The following PRKAR2A variants were observed in gnomAD, a reference collection of about 807,000 sequenced individuals.
The protein encoded by PRKAR2A is cAMP-dependent protein kinase type II-alpha regulatory subunit.
In PRKAR2A, 29 loss-of-function variants were observed where a neutral mutation model predicts 51.9. The ratio of observed to expected loss-of-function variants is 0.56; its 90% CI spans 0.42 to 0.76. The LOEUF (loss-of-function observed/expected upper bound fraction) is 0.76. Ranked by LOEUF, PRKAR2A falls within the 30% of genes least tolerant of loss-of-function variation. PRKAR2A has a pLI of 0.00. For missense variants in PRKAR2A, 445 were observed against 512.1 expected (o/e 0.87, Z 1.26); for synonymous variants, 178 against 186.2 (o/e 0.96, Z 0.36).
At chr3:48,831,562 T>A (rs1220809564) in intron 1 of PRKAR2A, among the ~76,000 whole-genome samples, 2 of 152,028 alleles carry the variant, frequency 1.3e-5, no homozygotes, top group Non-Finnish European at 2.9e-5. Flanking sequence ...GGGGTCTTGC[T>A]ATGTCGCCCA....
chr3:48,756,324 A>C, intron 9 of PRKAR2A, 55 bp downstream of exon 9: 1 of 1,477,460 alleles, frequency 6.8e-7, no homozygotes, highest in Admixed American at 1.7e-5. Flanking sequence ...ACATTATTTA[A>C]AACAAATAGT....
In PRKAR2A at chr3:48,847,517, G is replaced by T. The variant is rs766432145; in HGVS notation, c.80C>A (p.Pro27His). Residue 27 changes from proline (P) to histidine (H), a missense_variant, in exon 1 of 11, where the codon CCT becomes CAT. Coordinates refer to ENST00000265563, the MANE Select transcript of PRKAR2A (RefSeq NM_004157.4). The surrounding 1 kb of genome is among the most constrained non-coding windows in gnomAD (Gnocchi z 4.4). ...YTVEVLRQQP[P>H]DLVEFAVEYF... is the part of the protein sequence containing the mutation. ...CTCCACTGCGAATTCGACGAGGTCA[G>T]GCGGCTGCTGTCGCAGCACCTCCAC... 23 of 1,560,148 alleles carry T rather than the reference G, an allele frequency of 1.5e-5. No homozygotes were observed. In the African/African-American group the frequency reaches 2.9e-4, roughly 19 times the overall value.
At chr3:48,810,408 G>A (rs2082752594) in intron 1 of PRKAR2A, among the ~76,000 whole-genome samples, 2 of 152,048 alleles carry the variant, frequency 1.3e-5, no homozygotes. Context: ...ATATCTTCCT[G>A]TGTACTTTAA....
chr3:48,800,206 CAA>C (rs1187581343), intron 2 of PRKAR2A, among the ~76,000 whole-genome samples: 3 of 151,106 alleles, frequency 2.0e-5, no homozygotes, highest in Non-Finnish European at 4.4e-5. Flanking sequence ...ATTTCCAACT[CAA>C]AGATAATTAA....
chr3:48,832,373 C>T (rs1334663969), intron 1 of PRKAR2A, among the ~76,000 whole-genome samples: 1 of 150,134 alleles, frequency 6.7e-6, no homozygotes, highest in East Asian at 1.9e-4. Context: ...CCAAGAAAAA[C>T]TCAAGCCATT....
intron 1 of PRKAR2A, among the ~76,000 whole-genome samples, chr3:48,832,209 G>A (rs1451997565): frequency 2.0e-5 from 3 of 150,608 alleles, no homozygotes; most frequent in Admixed American, 1.3e-4. Flanking sequence ...CACGAGAATC[G>A]CTTGAACCCG....
chr3:48,841,428 C>T (rs1398134497), intron 1 of PRKAR2A, among the ~76,000 whole-genome samples: 1 of 150,748 alleles, frequency 6.6e-6, no homozygotes, highest in African/African-American at 2.4e-5. Flanking sequence ...GCCTGTAATC[C>T]CAGCTACTCG....
At chr3:48,838,838 G>T (rs1379930975) in intron 1 of PRKAR2A, among the ~76,000 whole-genome samples, 1 of 151,732 alleles carries the variant, frequency 6.6e-6, no homozygotes, top group Non-Finnish European at 1.5e-5. Context: ...CAAAAAATTA[G>T]CTAGGCATGG....
Position 48,765,364 on chromosome 3 carries a change from A to G in PRKAR2A, c.697-15T>C. ...GTCACCCGGTCCTACAAGAAAGAAT[A>G]TGAAAATTCTAGTAAATGCCTATAT... On this transcript the variant is annotated splice_polypyrimidine_tract_variant and intron_variant, in intron 6 of 10. Coordinates refer to ENST00000265563, the MANE Select transcript of PRKAR2A (RefSeq NM_004157.4). 2 of 1,563,498 alleles carry G rather than the reference A, an allele frequency of 1.3e-6. No individual in the cohort carries two copies. Among genetic ancestry groups the G allele is most frequent in the Non-Finnish European group, 1.7e-6 (2 of 1,146,790 alleles).
chr3:48,806,124 TTAACA>T (rs1575907600), intron 2 of PRKAR2A, among the ~76,000 whole-genome samples: 1 of 152,232 alleles, frequency 6.6e-6, no homozygotes, highest in African/African-American at 2.4e-5. Flanking sequence ...ATTGACTCTC[TTAACA>T]TAACATATTC....
chr3:48,770,077 T>G (rs2082007606), intron 6 of PRKAR2A, among the ~76,000 whole-genome samples: 1 of 152,106 alleles, frequency 6.6e-6, no homozygotes, highest in Admixed American at 6.6e-5. Context: ...ACCCAGCTGG[T>G]TCTACCCCTT....
chr3:48,815,683 ACT>A (rs1288263855), intron 1 of PRKAR2A, among the ~76,000 whole-genome samples: 1 of 143,360 alleles, frequency 7.0e-6, no homozygotes, highest in Admixed American at 7.3e-5. Flanking sequence ...ACAGAGCAAG[ACT>A]CTGTCTCAGC....
chr3:48,780,400 G>A (rs1281282244), intron 5 of PRKAR2A, among the ~76,000 whole-genome samples: 1 of 151,660 alleles, frequency 6.6e-6, no homozygotes, highest in Non-Finnish European at 1.5e-5. Context: ...TCAGGAGTTC[G>A]AGACCAGCCT....
intron 1 of PRKAR2A, among the ~76,000 whole-genome samples, chr3:48,812,576 A>G (rs886140417): frequency 1.4e-5 from 2 of 145,224 alleles, no homozygotes; most frequent in African/African-American, 5.2e-5. Flanking sequence ...TCCGCCTCCC[A>G]GGTTCACGCC....
At chr3:48,839,050 G>A (rs2083334042) in intron 1 of PRKAR2A, among the ~76,000 whole-genome samples, 1 of 152,072 alleles carries the variant, frequency 6.6e-6, no homozygotes, top group Non-Finnish European at 1.5e-5. Flanking sequence ...CACTTTGGGA[G>A]GCCGAGGCAG....
chr3:48,847,367 T>C lies in PRKAR2A; in HGVS notation c.230A>G (p.Asp77Gly), dbSNP rs746428551. ...GTCCTCGTCCTCCTCCGACTCGCTGTCCCCTTTGGCGTCGGCGACACGGTC... is the reference window on the plus strand; with the variant it reads ...GTCCTCGTCCTCCTCCGACTCGCTGCCCCCTTTGGCGTCGGCGACACGGTC... ...GPDRVADAKG[D>G]SESEEDEDLE... Residue 77 changes from aspartate to glycine, a missense_variant, in exon 1 of 11, where the codon GAC becomes GGC. By Grantham distance (94) the Asp-to-Gly change is moderately conservative (BLOSUM62 -1). Transcript: ENST00000265563. The surrounding 1 kb of genome is among the most constrained non-coding windows in gnomAD (Gnocchi z 4.4). 18 of 1,613,274 alleles carry C rather than the reference T, an allele frequency of 1.1e-5. No homozygotes were observed. Among genetic ancestry groups the C allele is most frequent in the Non-Finnish European group, 1.4e-5 (17 of 1,179,660 alleles).
At chr3:48,835,430 A>G (rs897680683) in intron 1 of PRKAR2A, among the ~76,000 whole-genome samples, 1 of 151,988 alleles carries the variant, frequency 6.6e-6, no homozygotes, top group Non-Finnish European at 1.5e-5. Context: ...TCATGAGGTC[A>G]GCAGATCGAG....
intron 1 of PRKAR2A, among the ~76,000 whole-genome samples, chr3:48,826,614 G>C (rs1415484389): frequency 6.6e-6 from 1 of 152,040 alleles, no homozygotes; most frequent in Non-Finnish European, 1.5e-5. Context: ...CCAGAGATTA[G>C]ACTTCCTCAA....
In PRKAR2A at chr3:48,824,510, C is replaced by T. The variant is rs541947236; in HGVS notation, c.263-16826G>A. On this transcript the variant is annotated intron_variant, in intron 1 of 10. Transcript: ENST00000265563. ...CAAACCTCAGGTGACATGAAATTTA[C>T]ACATGTAACAAACCTGTACATTCCA... 2.9e-4 allele frequency among the ~76,000 whole-genome samples: 43 copies of T among 149,950 alleles called. No homozygotes were observed. The South Asian group carries it at 9.0e-3, about 32-fold the overall frequency.
Sources: allele counts gnomAD v4.1 joint callset (sites outside exome capture counted in the v4.1 genomes callset), GRCh38; gene constraint gnomAD v4.1.1; non-coding constraint Gnocchi (gnomAD v3.1); transcripts MANE v1.5; gene names NCBI Gene and HGNC (gene_info 2026-07-23, HGNC 2026-07-21).